MAK: variants seen among roughly 807,000 people sequenced by gnomAD.
MAK encodes serine/threonine-protein kinase MAK.
A neutral mutation model predicts 82.6 loss-of-function variants in MAK; 65 were observed. The ratio of observed to expected loss-of-function variants is 0.79; its 90% CI spans 0.64 to 0.97. The LOEUF is 0.97. MAK is among the 50% of genes least tolerant of loss of function. The pLI is 0.00. For missense variants in MAK, 703 were observed against 780.2 expected (o/e 0.90, Z 1.18); for synonymous variants, 250 against 274.2 (o/e 0.91, Z 0.87).
At chr6:10,784,345 T>C in intron 11 of MAK, 79 bp downstream of exon 11, 1 of 1,524,932 alleles carries the variant, frequency 6.6e-7, no homozygotes, top group Non-Finnish European at 9.1e-7. Flanking sequence ...TGCTGCCCTT[T>C]CTTTGGAGAT....
At chr6:10,834,653 A>G (rs1779037076) in intron 1 of MAK, among the ~76,000 whole-genome samples, 1 of 152,124 alleles carries the variant, frequency 6.6e-6, no homozygotes, top group South Asian at 2.1e-4. Context: ...TCCTGACTAA[A>G]CCCTAATGCT....
chr6:10,818,616 A>C (rs1486362292), intron 3 of MAK, among the ~76,000 whole-genome samples: 25 of 145,474 alleles, frequency 1.7e-4, no homozygotes, highest in Non-Finnish European at 2.9e-4. Flanking sequence ...TCTGTCACAA[A>C]AAAAAAAAAA....
At position 10,817,929 on chromosome 6, in the gene MAK, C is replaced by A. The variant is rs1466767100; in HGVS notation, c.199G>T (p.Glu67Ter). 7.0e-7 allele frequency: 1 copy of A among 1,420,016 alleles called. No homozygotes were observed. The highest frequency in any genetic ancestry group is 9.8e-7 in the Non-Finnish European group (1 of 1,021,876). The allele number at this position is 1,420,016 out of a possible 1,614,324, so 88.0% of individuals were successfully genotyped here. A position where few individuals can be genotyped will look rare whatever the true frequency, so the allele number is the denominator to read the frequency against. The change falls in exon 4 of 15, where the codon GAA becomes TAA. Residue 67 changes from glutamate (E) to a stop codon, truncating the protein, a stop_gained. Transcript: ENST00000354489. LOFTEE classifies it high-confidence loss of function. ...AGATGGTCATTTTCTCTGATAACTTCTTTCAATTTAATAACATTGGCATGA... is the reference window on the plus strand; with the variant it reads ...AGATGGTCATTTTCTCTGATAACTTATTTCAATTTAATAACATTGGCATGA... ...LNHANVIKLK[E>*]VIRENDHLYF...
At position 10,795,988 on chromosome 6, in the gene MAK, G is replaced by A. The variant is rs751956858; in HGVS notation, c.1143+10C>T. On this transcript the variant is annotated intron_variant, in intron 9 of 14. Transcript: ENST00000354489. ...CTATTTCATTGCAAGTGTCATGACT[G>A]GCTACTCACAGTTGGCATGTTTTTG... 2 of 1,612,702 alleles carry A rather than the reference G, an allele frequency of 1.2e-6. No individual in the cohort carries two copies. The highest frequency in any genetic ancestry group is 1.7e-6 in the Non-Finnish European group (2 of 1,178,786).
intron 4 of MAK, among the ~76,000 whole-genome samples, chr6:10,817,244 A>G (rs1777566274): frequency 1.3e-5 from 2 of 152,106 alleles, no homozygotes; most frequent in Non-Finnish European, 1.5e-5. Context: ...CTTTAAAAGC[A>G]GGCAAAATGG....
chr6:10,791,624 ATAAAGT>A (rs1052247528), intron 10 of MAK, 45 bp downstream of exon 10: 4 of 1,539,578 alleles, frequency 2.6e-6, no homozygotes, highest in Non-Finnish European at 2.7e-6. Context: ...AATGAGTAAA[ATAAAGT>A]TAATGCATGG....
intron 6 of MAK, among the ~76,000 whole-genome samples, chr6:10,806,683 G>A (rs1411161432): frequency 1.3e-5 from 2 of 151,776 alleles, no homozygotes; most frequent in Admixed American, 6.6e-5. Flanking sequence ...AGTAGAGACT[G>A]GGTTTCACCA....
intron 1 of MAK, among the ~76,000 whole-genome samples, chr6:10,836,189 T>C (rs1779137492): frequency 6.6e-6 from 1 of 151,746 alleles, no homozygotes. Context: ...AGGGGTGGAG[T>C]GTTGAGGATT....
chr6:10,807,533 G>T (rs990414253), intron 6 of MAK, among the ~76,000 whole-genome samples: 34 of 151,326 alleles, frequency 2.2e-4, no homozygotes, highest in Non-Finnish European at 4.4e-4. Context: ...TAGAAACGGG[G>T]TTTAGCCATG....
At chr6:10,801,052 T>G (rs1229570836) in intron 8 of MAK, among the ~76,000 whole-genome samples, 3 of 152,156 alleles carry the variant, frequency 2.0e-5, no homozygotes, top group Non-Finnish European at 4.4e-5. Flanking sequence ...ATGCCAGTAC[T>G]TCCACTGTTA....
At chr6:10,829,833 C>T (rs116660142) in intron 2 of MAK, among the ~76,000 whole-genome samples, 2,252 of 151,730 alleles carry the variant, frequency 0.015, 34 homozygotes, top group Middle Eastern at 0.027. Flanking sequence ...TTTCTGTGCT[C>T]GTATATATTC....
At chr6:10,781,687 G>A (rs936790433) in intron 11 of MAK, among the ~76,000 whole-genome samples, 2 of 152,046 alleles carry the variant, frequency 1.3e-5, no homozygotes, top group East Asian at 3.9e-4. Flanking sequence ...GCCTCCCAAA[G>A]TGCTGGGATT....
chr6:10,814,104 G>A (rs1777276209), intron 4 of MAK, among the ~76,000 whole-genome samples: 1 of 151,876 alleles, frequency 6.6e-6, no homozygotes, highest in Non-Finnish European at 1.5e-5. Flanking sequence ...CAAGTAGCTG[G>A]GATTATAGGC....
intron 1 of MAK, among the ~76,000 whole-genome samples, chr6:10,835,804 G>A (rs1331092082): frequency 6.6e-6 from 1 of 151,976 alleles, no homozygotes; most frequent in African/African-American, 2.4e-5. Flanking sequence ...CACAAAGAGT[G>A]ACAAAAAAAT....
intron 2 of MAK, among the ~76,000 whole-genome samples, chr6:10,827,430 T>G (rs1778463951): frequency 6.6e-6 from 1 of 152,200 alleles, no homozygotes; most frequent in Admixed American, 6.5e-5. Flanking sequence ...TTCAGCTCAT[T>G]TTGTCTAATA....
chr6:10,781,755 T>C (rs1388500311), intron 11 of MAK, among the ~76,000 whole-genome samples: 2 of 152,122 alleles, frequency 1.3e-5, no homozygotes, highest in South Asian at 2.1e-4. Flanking sequence ...TACTTGTAAA[T>C]TGACTTGGCA....
At chr6:10,806,820 C>CA (rs1776500829) in intron 6 of MAK, among the ~76,000 whole-genome samples, 1 of 151,958 alleles carries the variant, frequency 6.6e-6, no homozygotes, top group Non-Finnish European at 1.5e-5. Context: ...TTTGATGCAG[C>CA]ATAAAAACCC....
chr6:10,824,778 C>A (rs755811890), intron 2 of MAK, among the ~76,000 whole-genome samples: 33 of 152,214 alleles, frequency 2.2e-4, no homozygotes, highest in South Asian at 4.1e-4. Flanking sequence ...CATGCCTCCA[C>A]TGCCGTACTT....
At chr6:10,787,459 G>A (rs1774672015) in intron 10 of MAK, among the ~76,000 whole-genome samples, 3 of 152,218 alleles carry the variant, frequency 2.0e-5, no homozygotes, top group East Asian at 3.9e-4. Flanking sequence ...ATAAAGTTTA[G>A]GCAGGAGCTT....
Sources: gnomAD v4.1 joint callset for allele counts (sites outside exome capture counted in the v4.1 genomes callset) on GRCh38, gnomAD v4.1.1 for gene constraint, MANE v1.5 for transcripts, NCBI Gene and HGNC (gene_info 2026-07-23, HGNC 2026-07-21) for gene names.